The following ACSM3 variants were observed in gnomAD, a reference collection of about 807,000 sequenced individuals.
ACSM3 encodes the protein acyl-CoA synthetase medium chain family member 3.
Under a neutral mutation model 74.1 loss-of-function variants are expected in ACSM3, and 61 were observed. The observed-to-expected ratio is 0.82, with a 90% CI of 0.67 to 1.02. The LOEUF (loss-of-function observed/expected upper bound fraction) is 1.02, where lower values mean the gene tolerates loss of function less well. Ranked by LOEUF, ACSM3 falls within the 50% of genes least tolerant of loss-of-function variation. The pLI, the probability that ACSM3 is intolerant of heterozygous loss-of-function variation, is 0.00. For missense variants in ACSM3, 660 were observed against 697.0 expected (o/e 0.95, Z 0.60); for synonymous variants, 213 against 241.5 (o/e 0.88, Z 1.09).
intron 8 of ACSM3, among the ~76,000 whole-genome samples, chr16:20,785,458 T>G (rs1207467441): frequency 6.6e-6 from 1 of 152,206 alleles, no homozygotes; most frequent in Non-Finnish European, 1.5e-5. Context: ...CTGAGATCCT[T>G]GCTGCCTGAA....
intron 12 of ACSM3, 103 bp from the exon 13 acceptor site, chr16:20,796,267 C>G: frequency 6.6e-7 from 1 of 1,503,782 alleles, no homozygotes; most frequent in Non-Finnish European, 8.9e-7. Flanking sequence ...AACACACTGG[C>G]CCACCCCACC....
chr16:20,691,214 C>A, intron 1 of ACSM3: 21 of 1,530,098 alleles, frequency 1.4e-5, no homozygotes, highest in Non-Finnish European at 1.8e-5. Flanking sequence ...AGAAACCAGG[C>A]ACAGAGTTCT....
chr16:20,776,535 GGAA>G (rs1284458109), intron 3 of ACSM3, among the ~76,000 whole-genome samples: 53 of 152,250 alleles, frequency 3.5e-4, no homozygotes, highest in Admixed American at 3.0e-3. Flanking sequence ...GGGCCCAGGA[GGAA>G]GATCTATATA....
chr16:20,736,753 T>G, intron 1 of ACSM3: 2 of 918,460 alleles, frequency 2.2e-6, no homozygotes, highest in Admixed American at 5.6e-5. Context: ...CATTGCTCAC[T>G]ACTGTGAGAA....
At chr16:20,709,985 G>A (rs1018451088) in intron 1 of ACSM3, among the ~76,000 whole-genome samples, 5 of 152,168 alleles carry the variant, frequency 3.3e-5, no homozygotes, top group Admixed American at 1.3e-4. Context: ...AGAAACAGTA[G>A]TGGTTATCTG....
At chr16:20,733,778 A>T (rs1275662413) in intron 1 of ACSM3, 1 of 152,126 alleles carries the variant, frequency 6.6e-6, no homozygotes, top group Non-Finnish European at 1.5e-5. Flanking sequence ...ACATTTGAAA[A>T]CCAAGTTTAA....
intron 1 of ACSM3, among the ~76,000 whole-genome samples, chr16:20,739,453 G>A (rs1021083253): frequency 2.0e-5 from 3 of 152,060 alleles, no homozygotes; most frequent in Non-Finnish European, 4.4e-5. Flanking sequence ...TTACAGGTGT[G>A]AGCTACCATG....
intron 1 of ACSM3, among the ~76,000 whole-genome samples, chr16:20,767,687 C>G (rs1567344319): frequency 6.6e-6 from 1 of 152,102 alleles, no homozygotes; most frequent in Non-Finnish European, 1.5e-5. Flanking sequence ...TCTCCTAAAG[C>G]CTGCCAAGAA....
At chr16:20,796,197 TAGGTAC>T in intron 12 of ACSM3, 167 bp from the exon 13 acceptor site, 1 of 1,137,000 alleles carries the variant, frequency 8.8e-7, no homozygotes, top group East Asian at 2.7e-5. Flanking sequence ...TCTCCTGTAT[TAGGTAC>T]AGACCAGGAA....
At chr16:20,684,242 A>C (rs992381) in intron 1 of ACSM3, among the ~76,000 whole-genome samples, 146,928 of 152,198 alleles carry the variant, frequency 0.97, 71,016 homozygotes, top group Non-Finnish European at 0.99. Flanking sequence ...ATATTCAATT[A>C]GGTAAAGAAT....
chr16:20,769,669 T>TG (rs1410404700), intron 1 of ACSM3, among the ~76,000 whole-genome samples: 1 of 152,216 alleles, frequency 6.6e-6, no homozygotes, highest in Non-Finnish European at 1.5e-5. Flanking sequence ...CATATGGGTG[T>TG]CAATAGTGCA....
intron 1 of ACSM3, among the ~76,000 whole-genome samples, chr16:20,716,711 A>G (rs574937815): frequency 1.3e-5 from 2 of 152,286 alleles, no homozygotes; most frequent in South Asian, 4.1e-4. Flanking sequence ...TTGATCACCA[A>G]TAAATAGTGT....
At chr16:20,774,411 G>A (rs952334419) in intron 2 of ACSM3, among the ~76,000 whole-genome samples, 5 of 152,000 alleles carry the variant, frequency 3.3e-5, no homozygotes, top group African/African-American at 9.6e-5. Flanking sequence ...CCCAGCTAAT[G>A]TTTGTATTTT....
Position 20,796,977 on chromosome 16 carries a change from G to A in ACSM3, c.*5G>A. 1 of 1,610,494 alleles carries A rather than the reference G, an allele frequency of 6.2e-7. No homozygotes were observed. Among genetic ancestry groups the A allele is most frequent in the South Asian group, 1.1e-5 (1 of 90,204 alleles). The stretch of plus-strand genomic sequence containing the variant: ...AAAGAATGGAAGACAATTTAAAGTT[G>A]TTTCATTAATTACCATATCTATAAA... On this transcript the variant is annotated 3_prime_UTR_variant, in exon 14 of 14. Transcript: ENST00000289416.
chr16:20,740,503 T>C (rs2079907779), intron 1 of ACSM3, among the ~76,000 whole-genome samples: 1 of 152,250 alleles, frequency 6.6e-6, no homozygotes, highest in Admixed American at 6.5e-5. Flanking sequence ...GGCACAATAA[T>C]AATTGTATAC....
Position 20,786,152 on chromosome 16 carries a change from T to C in ACSM3, c.1218T>C (p.Asp406=), listed in dbSNP as rs781710699. 1.2e-6 allele frequency: 2 copies of C among 1,609,886 alleles called. No individual in the cohort carries two copies. The highest frequency in any genetic ancestry group is 1.3e-5 in the African/African-American group (1 of 74,748). Residue 406 remains aspartate, a synonymous_variant, in exon 9 of 14, where the codon GAT becomes GAC. Transcript: ENST00000289416. Reference sequence around the variant, plus strand: ...TGGGAAAACCTTCTCCTGCTTTCGATGTTAAGGTTTGCACATCCCCTTCCA... The same window carrying C: ...TGGGAAAACCTTCTCCTGCTTTCGACGTTAAGGTTTGCACATCCCCTTCCA... ...GSMGKPSPAF[D]VKIVDVNGNV...
chr16:20,735,621 T>C (rs928895270), intron 1 of ACSM3: 2 of 152,072 alleles, frequency 1.3e-5, no homozygotes, highest in African/African-American at 2.4e-5. Flanking sequence ...GGTTATCAGA[T>C]ATGATGTCAC....
chr16:20,702,200 A>T (rs1337481377), intron 1 of ACSM3, among the ~76,000 whole-genome samples: 1 of 152,158 alleles, frequency 6.6e-6, no homozygotes, highest in Non-Finnish European at 1.5e-5. Context: ...CTTTGCCAGC[A>T]TCTGTTGTTT....
chr16:20,697,170 T>C (rs2079694163), intron 1 of ACSM3, among the ~76,000 whole-genome samples: 2 of 152,186 alleles, frequency 1.3e-5, no homozygotes, highest in African/African-American at 4.8e-5. Context: ...TCTCCTGGGC[T>C]ACAGTCATCC....
Sources: allele counts gnomAD v4.1 joint callset (sites outside exome capture counted in the v4.1 genomes callset), GRCh38; gene constraint gnomAD v4.1.1; transcripts MANE v1.5; gene names NCBI Gene and HGNC (gene_info 2026-07-23, HGNC 2026-07-21).